The following ZNF540 variants were observed in gnomAD, a reference collection of about 807,000 sequenced individuals.
ZNF540 encodes the protein zinc finger protein 540, also known as CTD-3064H18.6.
Under a neutral mutation model 11.8 loss-of-function variants are expected in ZNF540, and 3 were observed. The ratio of observed to expected loss-of-function variants is 0.25; its 90% CI spans 0.12 to 0.65. The LOEUF (loss-of-function observed/expected upper bound fraction) is 0.65, where lower values mean the gene tolerates loss of function less well. Ranked by LOEUF, ZNF540 falls within the 30% of genes least tolerant of loss-of-function variation. The probability of loss-of-function intolerance (pLI) is 0.83; values close to 1 mark genes in which losing one functional copy is unlikely to be tolerated. For synonymous variants in ZNF540, 247 were observed against 259.0 expected (o/e 0.95, Z 0.45); for missense variants, 709 against 793.1 (o/e 0.89, Z 1.27).
At chr19:37,593,816 C>A (rs188071175), upstream of ZNF540, among the ~76,000 whole-genome samples, 10 of 152,160 alleles carry the variant, frequency 6.6e-5, no homozygotes, top group Admixed American at 6.5e-4. Context: ...ATGATCCCAT[C>A]CCCGCAGCAT....
At chr19:37,595,635 T>G (rs2043985206) in intron 1 of ZNF540, among the ~76,000 whole-genome samples, 1 of 152,204 alleles carries the variant, frequency 6.6e-6, no homozygotes, top group African/African-American at 2.4e-5. Context: ...TGGCTTCAGT[T>G]TTCTCACCTG....
intron 1 of ZNF540, among the ~76,000 whole-genome samples, chr19:37,558,611 G>C (rs1399136329): frequency 6.6e-6 from 1 of 151,972 alleles, no homozygotes; most frequent in African/African-American, 2.4e-5. Context: ...AATTAGGCCG[G>C]GTAGAGAGAA....
Position 37,583,576 on chromosome 19 carries a change from C to T in ZNF540, c.-72-14800C>T, listed in dbSNP as rs572212063. On this transcript the variant is annotated intron_variant, in intron 1 of 4. Transcript: ENST00000592533. ...GCTGTATTATTAGCAATAGCTGACA[C>T]TGTGACCAGCCTTTATTCACCTGAG... The T allele has an allele frequency of 1.2e-4, 19 of 160,660 alleles. 2 individuals carry two copies. The South Asian group carries it at 3.2e-3, about 27-fold the overall frequency. The allele number at this position is 160,660 out of a possible 1,614,324, so 10.0% of individuals were successfully genotyped here.
rs1226046583 is a variant in ZNF540 at position 37,581,466 on chromosome 19, CTTTT to C, written c.-72-16897_-72-16894del. Among the ~76,000 whole-genome samples the C allele has an allele frequency of 5.8e-5, 8 of 138,702 alleles. No homozygotes were observed. The East Asian group carries it at 8.3e-4, about 14-fold the overall frequency. The allele number at this position is 138,702 out of a possible 152,430, so 91.0% of individuals were successfully genotyped here. A position where few individuals can be genotyped will look rare whatever the true frequency, so the allele number is the denominator to read the frequency against. On this transcript the variant is annotated intron_variant, in intron 1 of 4. Coordinates refer to the ZNF540 transcript ENST00000592533. ...TTTATCTCCATTTCTTTCTTTCTTT[CTTTT>C]TTTTTTTTTTTTGGAGACATGGTCT...
chr19:37,603,155 C>G (rs2044053639), intron 4 of ZNF540, among the ~76,000 whole-genome samples: 1 of 151,970 alleles, frequency 6.6e-6, no homozygotes, highest in South Asian at 2.1e-4. Context: ...TTACAGGCGC[C>G]TGCCACCACG....
intron 4 of ZNF540, among the ~76,000 whole-genome samples, chr19:37,602,148 T>C (rs1307587485): frequency 1.3e-5 from 2 of 152,092 alleles, no homozygotes; most frequent in Non-Finnish European, 2.9e-5. Context: ...GATTTGAAAG[T>C]AGAGCTAACA....
chr19:37,584,028 G>A, intron 1 of ZNF540: 1 of 1,614,090 alleles, frequency 6.2e-7, no homozygotes, highest in Non-Finnish European at 8.5e-7. Flanking sequence ...AAGTCCCTCT[G>A]AGCAGGGTCC....
At chr19:37,570,291 A>G (rs1019328120) in intron 1 of ZNF540, among the ~76,000 whole-genome samples, 1 of 152,086 alleles carries the variant, frequency 6.6e-6, no homozygotes, top group African/African-American at 2.4e-5. Flanking sequence ...CTTTCTACAA[A>G]TCGTCTACAA....
At chr19:37,588,597 C>T (rs890245808) in intron 1 of ZNF540, among the ~76,000 whole-genome samples, 2 of 152,192 alleles carry the variant, frequency 1.3e-5, no homozygotes, top group Non-Finnish European at 2.9e-5. Flanking sequence ...AACCTACCTA[C>T]CTATCAGGTA....
At position 37,612,075 on chromosome 19, in the gene ZNF540, C is replaced by T. The variant is rs755163544; in HGVS notation, c.795C>T (p.His265=). ...YPQLNRHQKI[H]TGKKPYMCKK... is the part of the protein sequence containing the mutation. ...AACTTAATCGACATCAGAAAATTCA[C>T]ACTGGTAAAAAACCCTATATGTGTA... is the stretch of plus-strand genomic sequence containing the variant. The change falls in exon 5 of 5, where the codon CAC becomes CAT. Residue 265 remains histidine (H), a synonymous_variant. Coordinates refer to ENST00000316433, the MANE Select transcript of ZNF540 (RefSeq NM_001172225.3). 4 of 1,611,404 alleles carry T rather than the reference C, an allele frequency of 2.5e-6. No individual in the cohort carries two copies. In the African/African-American group the frequency reaches 5.4e-5, roughly 22 times the overall value.
At chr19:37,557,762 C>A (rs188154191) in intron 1 of ZNF540, among the ~76,000 whole-genome samples, 1 of 152,100 alleles carries the variant, frequency 6.6e-6, no homozygotes, top group African/African-American at 2.4e-5. Context: ...TTGCAAGATG[C>A]GAGCATTTGA....
intron 1 of ZNF540, among the ~76,000 whole-genome samples, chr19:37,588,193 A>G (rs1449960857): frequency 6.6e-6 from 1 of 151,692 alleles, no homozygotes; most frequent in Non-Finnish European, 1.5e-5. Context: ...AGTTAATAGG[A>G]TATTTGACAT....
chr19:37,571,784 A>T (rs189503979), intron 1 of ZNF540, among the ~76,000 whole-genome samples: 1 of 152,304 alleles, frequency 6.6e-6, no homozygotes, highest in African/African-American at 2.4e-5. Context: ...AAACATGATA[A>T]GTATGGGCTA....
At position 37,610,744 on chromosome 19, in the gene ZNF540, T is replaced by C. The variant is rs73618903; in HGVS notation, c.233-769T>C. On this transcript the variant is annotated intron_variant, in intron 4 of 4. Coordinates refer to ENST00000316433, the MANE Select transcript of ZNF540 (RefSeq NM_001172225.3). The stretch of plus-strand genomic sequence containing the variant: ...TTAGGTAACCAAAGACCATATTATA[T>C]TATATGGTAACATGTTTGGATTTTA... Among the ~76,000 whole-genome samples, 905 of 152,316 alleles carry C rather than the reference T, an allele frequency of 5.9e-3. 10 individuals carry two copies. The highest frequency in any genetic ancestry group is 0.021 in the African/African-American group (855 of 41,570).
chr19:37,611,529 T>A lies in ZNF540; in HGVS notation c.249T>A (p.His83Gln), dbSNP rs144540062. The A allele has an allele frequency of 1.1e-4, 175 of 1,598,022 alleles. No individual in the cohort carries two copies. Among genetic ancestry groups the A allele is most frequent in the Middle Eastern group, 2.0e-4 (1 of 5,052 alleles). The change falls in exon 5 of 5, where the codon CAT becomes CAA. Residue 83 changes from histidine (H) to glutamine (Q), a missense_variant. Physicochemically the swap from His to Gln is conservative, Grantham distance 24. Coordinates refer to ENST00000316433, the MANE Select transcript of ZNF540 (RefSeq NM_001172225.3). ...GRQCPGLLSRHKTKKLSSEKD... is the reference protein window; with the variant it reads ...GRQCPGLLSRQKTKKLSSEKD... ...TTCTTTCAGGTTTGTTATCCAGGCA[T>A]AAGACCAAGAAATTATCTTCAGAAA... is the stretch of plus-strand genomic sequence containing the variant.
intron 1 of ZNF540, among the ~76,000 whole-genome samples, chr19:37,577,262 G>A (rs1041462719): frequency 2.0e-5 from 3 of 152,038 alleles, no homozygotes; most frequent in Admixed American, 2.0e-4. Context: ...TTTATATGAG[G>A]TAAATCATAA....
intron 1 of ZNF540, among the ~76,000 whole-genome samples, chr19:37,581,466 C>CTTT (rs1226046583): frequency 1.4e-5 from 2 of 138,726 alleles, no homozygotes; most frequent in East Asian, 2.1e-4. Flanking sequence ...TTCTTTCTTT[C>CTTT]TTTTTTTTTT....
At chr19:37,584,881 G>A (rs577283826) in intron 1 of ZNF540, among the ~76,000 whole-genome samples, 8 of 150,974 alleles carry the variant, frequency 5.3e-5, no homozygotes, top group East Asian at 2.0e-4. Context: ...GGAGAATGGC[G>A]TGAACCCTGG....
At chr19:37,589,132 G>A (rs575348197) in intron 1 of ZNF540, among the ~76,000 whole-genome samples, 10 of 150,852 alleles carry the variant, frequency 6.6e-5, no homozygotes, top group Admixed American at 2.0e-4. Flanking sequence ...CCCAGTAGGC[G>A]GAGGTTGCAG....
Sources: allele counts gnomAD v4.1 joint callset (sites outside exome capture counted in the v4.1 genomes callset), GRCh38; gene constraint gnomAD v4.1.1; transcripts MANE v1.5; gene names NCBI Gene and HGNC (gene_info 2026-07-23, HGNC 2026-07-21).